Variants in CTNNA3 observed in about 807,000 individuals in gnomAD.
CTNNA3 encodes catenin alpha-3.
CTNNA3 carries 76 observed loss-of-function variants against 95.7 expected under a neutral mutation model. The ratio of observed to expected loss-of-function variants is 0.79; its 90% CI spans 0.66 to 0.96. CTNNA3 has a LOEUF of 0.96. CTNNA3 is among the 40% of genes least tolerant of loss of function. CTNNA3 has a pLI of 0.00. For missense variants in CTNNA3, 1,191 were observed against 1,089.8 expected, an observed-to-expected ratio of 1.09 and a Z score of -1.31; for synonymous variants, 431 against 374.4, an observed-to-expected ratio of 1.15 and a Z score of -1.74.
intron 13 of CTNNA3, among the ~76,000 whole-genome samples, chr10:66,142,889 G>A (rs1233470293): frequency 1.3e-5 from 2 of 151,990 alleles, no homozygotes; most frequent in East Asian, 3.9e-4. Context: ...CAGTTGCAGA[G>A]GAAGAAAAGT....
At chr10:65,973,019 T>A (rs1212190314) in intron 16 of CTNNA3, among the ~76,000 whole-genome samples, 3 of 151,566 alleles carry the variant, frequency 2.0e-5, no homozygotes, top group African/African-American at 7.3e-5. Flanking sequence ...ATACACAGGC[T>A]GATGGGACAG....
At chr10:67,491,923 C>T (rs1423358694) in intron 5 of CTNNA3, among the ~76,000 whole-genome samples, 1 of 151,946 alleles carries the variant, frequency 6.6e-6, no homozygotes, top group Non-Finnish European at 1.5e-5. Flanking sequence ...AATGTATTTA[C>T]AATATATGAT....
At chr10:66,952,966 C>T (rs1848613948) in intron 7 of CTNNA3, among the ~76,000 whole-genome samples, 1 of 151,978 alleles carries the variant, frequency 6.6e-6, no homozygotes, top group South Asian at 2.1e-4. Flanking sequence ...CCACAGAAGA[C>T]CTCCAAGTAG....
At chr10:67,127,396 A>G (rs1040203476) in intron 7 of CTNNA3, among the ~76,000 whole-genome samples, 18 of 152,202 alleles carry the variant, frequency 1.2e-4, no homozygotes, top group African/African-American at 3.9e-4. Flanking sequence ...CTCAAGCCCT[A>G]CTAATCACCT....
At chr10:67,370,986 C>G (rs1215201343) in intron 5 of CTNNA3, among the ~76,000 whole-genome samples, 1 of 149,354 alleles carries the variant, frequency 6.7e-6, no homozygotes, top group Non-Finnish European at 1.5e-5. Context: ...CCTGCCTCAG[C>G]CTCCCAAGTA....
chr10:65,962,563 T>C (rs933331178), intron 17 of CTNNA3, among the ~76,000 whole-genome samples: 1 of 152,256 alleles, frequency 6.6e-6, no homozygotes, highest in South Asian at 2.1e-4. Flanking sequence ...AGACTAATTT[T>C]TTTTTTATTA....
intron 1 of CTNNA3, among the ~76,000 whole-genome samples, chr10:67,677,777 A>C (rs938029567): frequency 6.6e-6 from 1 of 152,168 alleles, no homozygotes; most frequent in African/African-American, 2.4e-5. Context: ...AGAAAGCCCC[A>C]AAAGAGAAGG....
At chr10:67,167,516 T>C (rs1861825046) in intron 7 of CTNNA3, among the ~76,000 whole-genome samples, 1 of 152,204 alleles carries the variant, frequency 6.6e-6, no homozygotes, top group South Asian at 2.1e-4. Context: ...ATTTAGTTGG[T>C]CAACCAAGTT....
In CTNNA3 at chr10:67,660,930, CA is replaced by C. The variant is rs71006158; in HGVS notation, c.-5-13413del. Among the ~76,000 whole-genome samples the C allele has an allele frequency of 9.4e-3, 985 of 104,764 alleles. 31 individuals are homozygous for C. The East Asian group carries it at 0.15, about 16-fold the overall frequency. 68.7% of individuals were successfully genotyped at this position (104,764 alleles called of 152,430 possible). ...TGGGCGACAGAGCAAGACTCCGTCT[CA>C]AAAAAAAAAAAAAAGAGAAATGCAA... On this transcript the variant is annotated intron_variant, in intron 1 of 17. Coordinates refer to ENST00000433211, the MANE Select transcript of CTNNA3 (RefSeq NM_013266.4).
chr10:66,741,224 G>T (rs369102143), intron 9 of CTNNA3, among the ~76,000 whole-genome samples: 1 of 152,106 alleles, frequency 6.6e-6, no homozygotes, highest in Non-Finnish European at 1.5e-5. Context: ...AGTAAAGAAG[G>T]CTTTTTCTGG....
At chr10:66,342,014 G>A (rs2092458894) in intron 12 of CTNNA3, among the ~76,000 whole-genome samples, 1 of 151,520 alleles carries the variant, frequency 6.6e-6, no homozygotes, top group African/African-American at 2.4e-5. Context: ...TTATTTTACA[G>A]ATAATGAGTT....
At chr10:67,107,952 C>A (rs908202579) in intron 7 of CTNNA3, among the ~76,000 whole-genome samples, 21 of 152,190 alleles carry the variant, frequency 1.4e-4, no homozygotes, top group African/African-American at 5.1e-4. Context: ...TCCCCCTTTT[C>A]TTCCTTTTCA....
intron 7 of CTNNA3, among the ~76,000 whole-genome samples, chr10:66,907,638 G>A (rs1305038513): frequency 3.9e-5 from 6 of 152,076 alleles, no homozygotes; most frequent in Non-Finnish European, 5.9e-5. Flanking sequence ...TATACCTGAT[G>A]AGTTTGCGCA....
chr10:66,247,439 G>A (rs114903880), intron 13 of CTNNA3, among the ~76,000 whole-genome samples: 1 of 152,106 alleles, frequency 6.6e-6, no homozygotes, highest in Non-Finnish European at 1.5e-5. Flanking sequence ...AATTCAAAAG[G>A]ATAATTTCAG....
chr10:66,457,032 T>C lies in CTNNA3; in HGVS notation c.1531+63585A>G, dbSNP rs144576509. 3.4e-4 allele frequency among the ~76,000 whole-genome samples: 51 copies of C among 152,152 alleles called. No homozygotes were observed. The East Asian group carries it at 9.3e-3, about 28-fold the overall frequency. On this transcript the variant is annotated intron_variant, in intron 11 of 17. Coordinates refer to ENST00000433211, the MANE Select transcript of CTNNA3 (RefSeq NM_013266.4). ...TCTCTTGAGCCCAAGACGTCGTGTC[T>C]GGAATGAGCTTTGATTGTACCACCC...
chr10:67,431,110 A>T (rs751814941), intron 5 of CTNNA3, among the ~76,000 whole-genome samples: 30 of 151,940 alleles, frequency 2.0e-4, no homozygotes, highest in Non-Finnish European at 3.7e-4. Context: ...TCTTTCTCAA[A>T]CTGTCATAGG....
intron 5 of CTNNA3, among the ~76,000 whole-genome samples, chr10:67,443,784 G>A (rs1836752791): frequency 1.3e-5 from 2 of 151,990 alleles, no homozygotes; most frequent in Non-Finnish European, 1.5e-5. Flanking sequence ...TTGCTGTGCA[G>A]GAGCTCTTTA....
At chr10:66,386,210 C>G (rs1246371952) in intron 11 of CTNNA3, among the ~76,000 whole-genome samples, 1 of 152,138 alleles carries the variant, frequency 6.6e-6, no homozygotes, top group African/African-American at 2.4e-5. Context: ...CATATCAGCC[C>G]AAAATATCCT....
intron 5 of CTNNA3, among the ~76,000 whole-genome samples, chr10:67,431,834 A>G (rs1846120822): frequency 6.6e-6 from 1 of 152,116 alleles, no homozygotes; most frequent in Non-Finnish European, 1.5e-5. Context: ...CCAAAAATGG[A>G]AGCACTATCT....
Sources: allele counts gnomAD v4.1 joint callset (sites outside exome capture counted in the v4.1 genomes callset), GRCh38; gene constraint gnomAD v4.1.1; transcripts MANE v1.5; gene names NCBI Gene and HGNC (gene_info 2026-07-23, HGNC 2026-07-21).